GOLGA4: variants seen among roughly 807,000 people sequenced by gnomAD.
GOLGA4 encodes golgin A4.
GOLGA4 carries 169 observed loss-of-function variants against 265.9 expected under a neutral mutation model. The observed-to-expected ratio is 0.64, with a 90% CI of 0.56 to 0.72. The LOEUF (loss-of-function observed/expected upper bound fraction) is 0.72, where lower values mean the gene tolerates loss of function less well. Among genes scored for constraint, GOLGA4 ranks in the 30% least tolerant of loss-of-function variants. The pLI is 0.00. For synonymous variants in GOLGA4, 923 were observed against 855.8 expected (o/e 1.08, Z -1.37); for missense variants, 2,482 against 2,483.4 (o/e 1.00, Z 0.01).
chr3:37,328,618 A>C, intron 15 of GOLGA4, 81 bp downstream of exon 15: 1 of 1,214,656 alleles, frequency 8.2e-7, no homozygotes, highest in Non-Finnish European at 1.2e-6. Flanking sequence ...CAGTGGTGGT[A>C]AGTGCATTAA....
At chr3:37,260,060 G>A (rs1295930110) in intron 2 of GOLGA4, among the ~76,000 whole-genome samples, 1 of 151,596 alleles carries the variant, frequency 6.6e-6, no homozygotes, top group Non-Finnish European at 1.5e-5. Context: ...TTTTTACAGG[G>A]GTGTCTAATC....
chr3:37,354,202 C>T (rs550191158), intron 21 of GOLGA4, among the ~76,000 whole-genome samples: 1 of 151,900 alleles, frequency 6.6e-6, no homozygotes, highest in African/African-American at 2.4e-5. Flanking sequence ...AGATCACTTC[C>T]ACTCTTCTCC....
chr3:37,341,575 G>C (rs1326712307), intron 20 of GOLGA4: 1 of 152,156 alleles, frequency 6.6e-6, no homozygotes, highest in Non-Finnish European at 1.5e-5. Context: ...TCACTGCGGA[G>C]ATGATTCTTG....
rs922085124 is a variant in GOLGA4 at position 37,257,376 on chromosome 3, C to A, written c.162+5892C>A. Among the ~76,000 whole-genome samples, 10 of 152,198 alleles carry A rather than the reference C, an allele frequency of 6.6e-5. No individual in the cohort carries two copies. In the South Asian group the frequency reaches 1.7e-3, roughly 25 times the overall value. On this transcript the variant is annotated intron_variant, in intron 2 of 23. Coordinates refer to ENST00000361924, the MANE Select transcript of GOLGA4 (RefSeq NM_002078.5). ...GGATGGTTTTTGGTGTTACCTGGATCAGCCCAAGTTTACATCCTGTCTTTG... is the reference window on the plus strand; with the variant it reads ...GGATGGTTTTTGGTGTTACCTGGATAAGCCCAAGTTTACATCCTGTCTTTG...
chr3:37,246,945 A>G (rs1038897230), intron 1 of GOLGA4, among the ~76,000 whole-genome samples: 5 of 152,182 alleles, frequency 3.3e-5, no homozygotes, highest in African/African-American at 1.2e-4. Flanking sequence ...AAAACCAGCA[A>G]ACAGTTCCAC....
chr3:37,315,665 C>A, intron 11 of GOLGA4, 67 bp downstream of exon 11: 1 of 1,242,862 alleles, frequency 8.0e-7, no homozygotes, highest in Non-Finnish European at 1.2e-6. Flanking sequence ...TTTCCTTACA[C>A]TCTTTGACTG....
chr3:37,246,919 A>G (rs1197425139), intron 1 of GOLGA4, among the ~76,000 whole-genome samples: 2 of 152,186 alleles, frequency 1.3e-5, no homozygotes, highest in Non-Finnish European at 2.9e-5. Context: ...ATATAAATTT[A>G]AAAAATAAAA....
intron 5 of GOLGA4, among the ~76,000 whole-genome samples, chr3:37,290,736 G>A (rs2096862418): frequency 6.6e-6 from 1 of 152,132 alleles, no homozygotes; most frequent in African/African-American, 2.4e-5. Context: ...AGTTGGACTG[G>A]GAATGTGTTA....
At chr3:37,244,935 G>A (rs2096714921) in intron 1 of GOLGA4, among the ~76,000 whole-genome samples, 2 of 152,174 alleles carry the variant, frequency 1.3e-5, no homozygotes, top group South Asian at 4.1e-4. Context: ...AGGAATGTGA[G>A]GAAATGGGCA....
chr3:37,251,154 CAA>C (rs904056737), intron 1 of GOLGA4, among the ~76,000 whole-genome samples: 6 of 152,272 alleles, frequency 3.9e-5, no homozygotes, highest in Admixed American at 3.9e-4. Flanking sequence ...ACATAGTCCT[CAA>C]AAAGTTCATG....
At chr3:37,267,316 A>G (rs1396665461) in intron 2 of GOLGA4, among the ~76,000 whole-genome samples, 1 of 152,256 alleles carries the variant, frequency 6.6e-6, no homozygotes, top group Non-Finnish European at 1.5e-5. Flanking sequence ...ATTTTGAGAT[A>G]TGACTTACAT....
At position 37,366,525 on chromosome 3, in the gene GOLGA4, C is replaced by CTAAAGAA. The variant is rs1696760234; in HGVS notation, c.*480_*481insAAAGAAT. 6.3e-6 allele frequency: 1 copy of CTAAAGAA among 158,664 alleles called. No individual in the cohort carries two copies. Among genetic ancestry groups the CTAAAGAA allele is most frequent in the Non-Finnish European group, 1.4e-5 (1 of 72,408 alleles). The allele number at this position is 158,664 out of a possible 1,614,324, so 9.8% of individuals were successfully genotyped here. Reference sequence around the variant, plus strand: ...AATTGACTATTTTATTCAGGTTGATCTGTTGAATATTTGCTAAAGACCAGT... The same window carrying CTAAAGAA: ...AATTGACTATTTTATTCAGGTTGATCTAAAGAATGTTGAATATTTGCTAAAGACCAGT... On this transcript the variant is annotated 3_prime_UTR_variant, in exon 24 of 24. Transcript: ENST00000361924.
intron 2 of GOLGA4, among the ~76,000 whole-genome samples, chr3:37,279,246 A>G (rs1007653423): frequency 5.3e-4 from 81 of 152,224 alleles, no homozygotes; most frequent in Non-Finnish European, 1.6e-4. Flanking sequence ...TCTGAAATCC[A>G]TGTGCTCCAA....
intron 10 of GOLGA4, among the ~76,000 whole-genome samples, chr3:37,310,620 G>T (rs951420261): frequency 1.3e-5 from 2 of 152,156 alleles, no homozygotes; most frequent in Admixed American, 1.3e-4. Flanking sequence ...GAACTGGAAA[G>T]TGAGGAGCTA....
intron 22 of GOLGA4, among the ~76,000 whole-genome samples, chr3:37,360,219 A>G (rs1205882081): frequency 1.3e-5 from 2 of 152,164 alleles, no homozygotes; most frequent in African/African-American, 4.8e-5. Context: ...ACCTTATTAC[A>G]AATTGGTCTC....
chr3:37,300,461 ACTT>A (rs2096889726), intron 9 of GOLGA4, among the ~76,000 whole-genome samples: 1 of 151,758 alleles, frequency 6.6e-6, no homozygotes, highest in African/African-American at 2.4e-5. Flanking sequence ...TAGATTATAC[ACTT>A]CTTGAGGGCC....
intron 2 of GOLGA4, among the ~76,000 whole-genome samples, chr3:37,258,038 TATACATAC>T (rs1266870850): frequency 1.5e-5 from 1 of 68,836 alleles, no homozygotes; most frequent in Non-Finnish European, 3.0e-5. Flanking sequence ...TATATGTATA[TATACATAC>T]ATATATATAT....
chr3:37,346,642 G>C (rs2097057372), intron 20 of GOLGA4, among the ~76,000 whole-genome samples: 1 of 152,172 alleles, frequency 6.6e-6, no homozygotes, highest in Non-Finnish European at 1.5e-5. Context: ...TACATATGAA[G>C]TGTTTCTCTA....
At chr3:37,342,618 T>C (rs571344357) in intron 20 of GOLGA4, among the ~76,000 whole-genome samples, 1 of 152,350 alleles carries the variant, frequency 6.6e-6, no homozygotes, top group South Asian at 2.1e-4. Flanking sequence ...CCTGTTTCTT[T>C]TGCTTAATAT....
Sources: allele counts gnomAD v4.1 joint callset (sites outside exome capture counted in the v4.1 genomes callset), GRCh38; gene constraint gnomAD v4.1.1; transcripts MANE v1.5; gene names NCBI Gene and HGNC (gene_info 2026-07-23, HGNC 2026-07-21).